The following KIF16B variants were observed in gnomAD, a reference collection of about 807,000 sequenced individuals.
KIF16B encodes the protein kinesin-like protein KIF16B.
KIF16B carries 98 observed loss-of-function variants against 156.3 expected under a neutral mutation model. The observed-to-expected ratio is 0.63, with a 90% CI of 0.53 to 0.74. The LOEUF is 0.74. Ranked by LOEUF, KIF16B falls within the 30% of genes least tolerant of loss-of-function variation. The probability of loss-of-function intolerance (pLI) is 0.00; values close to 1 mark genes in which losing one functional copy is unlikely to be tolerated. For missense variants in KIF16B, 1,421 were observed against 1,606.5 expected (o/e 0.88, Z 1.97); for synonymous variants, 564 against 583.7 (o/e 0.97, Z 0.49).
intron 12 of KIF16B, among the ~76,000 whole-genome samples, chr20:16,438,115 C>A (rs2066698431): frequency 6.6e-6 from 1 of 152,010 alleles, no homozygotes; most frequent in Non-Finnish European, 1.5e-5. Context: ...CCACTGCATT[C>A]CAGCCTGGGT....
At chr20:16,354,875 G>C (rs969907257) in intron 23 of KIF16B, among the ~76,000 whole-genome samples, 1 of 152,082 alleles carries the variant, frequency 6.6e-6, no homozygotes, top group Non-Finnish European at 1.5e-5. Flanking sequence ...GAACCCGGGA[G>C]GCGGAGGTTG....
In KIF16B at chr20:16,413,979, AT is replaced by A. The variant is rs572502696; in HGVS notation, c.1613-7524del. Among the ~76,000 whole-genome samples the A allele has an allele frequency of 1.0e-3, 158 of 152,214 alleles. 2 individuals are homozygous for A. Among genetic ancestry groups the A allele is most frequent in the Admixed American group, 9.0e-3 (138 of 15,274 alleles). On this transcript the variant is annotated intron_variant, in intron 15 of 25. Coordinates refer to ENST00000354981, the MANE Select transcript of KIF16B (RefSeq NM_024704.5). ...TGTGACATTTTCCTTCTGATTTAAA[AT>A]ATCTTAAAGATATTTATTTATATTA...
At chr20:16,339,348 C>T (rs542805457) in intron 23 of KIF16B, among the ~76,000 whole-genome samples, 10 of 152,296 alleles carry the variant, frequency 6.6e-5, no homozygotes, top group Middle Eastern at 6.8e-3. Context: ...ACACTTTTAT[C>T]TTAGTTTTCT....
At chr20:16,387,238 A>G (rs1262005412) in intron 17 of KIF16B, among the ~76,000 whole-genome samples, 1 of 152,188 alleles carries the variant, frequency 6.6e-6, no homozygotes, top group Non-Finnish European at 1.5e-5. Context: ...GGAGGAAATG[A>G]GCAGAAAGGG....
At position 16,410,028 on chromosome 20, in the gene KIF16B, TGTAG is replaced by T. The variant is rs1476627719; in HGVS notation, c.1613-3576_1613-3573del. 1.7e-4 allele frequency among the ~76,000 whole-genome samples: 17 copies of T among 102,982 alleles called. No homozygotes were observed. In the South Asian group the frequency reaches 1.7e-3, roughly 11 times the overall value. 67.6% of individuals were successfully genotyped at this position (102,982 alleles called of 152,430 possible). A position where few individuals can be genotyped will look rare whatever the true frequency, so the allele number is the denominator to read the frequency against. On this transcript the variant is annotated intron_variant, in intron 15 of 25. Transcript: ENST00000354981. Reference sequence around the variant, plus strand: ...ATATATATGTAGGTACATATATATATGTAGGTACATATATATATGTTGGTACATA... The same window carrying T: ...ATATATATGTAGGTACATATATATATGTACATATATATATGTTGGTACATA...
At chr20:16,343,110 G>T (rs2064169514) in intron 23 of KIF16B, among the ~76,000 whole-genome samples, 1 of 152,180 alleles carries the variant, frequency 6.6e-6, no homozygotes, top group Non-Finnish European at 1.5e-5. Flanking sequence ...GAGAATGCAA[G>T]ATATCATTAC....
chr20:16,514,582 G>GAAAAAAA (rs540602451), intron 4 of KIF16B, among the ~76,000 whole-genome samples: 3,049 of 75,906 alleles, frequency 0.04, no homozygotes, highest in Non-Finnish European at 0.049. Flanking sequence ...TAAGAAATAA[G>GAAAAAAA]AAAAAAAAAA....
chr20:16,541,291 T>A (rs2147231929), intron 1 of KIF16B, among the ~76,000 whole-genome samples: 1 of 152,270 alleles, frequency 6.6e-6, no homozygotes, highest in South Asian at 2.1e-4. Flanking sequence ...TTTCAGGCAA[T>A]CACCCTGACT....
intron 12 of KIF16B, among the ~76,000 whole-genome samples, chr20:16,435,362 G>C (rs2066615481): frequency 6.6e-6 from 1 of 152,186 alleles, no homozygotes; most frequent in South Asian, 2.1e-4. Flanking sequence ...TCTTTTCAAA[G>C]CTGAATGCTA....
intron 23 of KIF16B, among the ~76,000 whole-genome samples, chr20:16,351,472 G>A (rs13041027): frequency 0.061 from 9,298 of 152,258 alleles, 478 homozygotes; most frequent in African/African-American, 0.13. Context: ...CATGCGAAGC[G>A]GGGTTGTAAG....
At chr20:16,313,612 G>C (rs1395339270) in intron 24 of KIF16B, among the ~76,000 whole-genome samples, 1 of 152,116 alleles carries the variant, frequency 6.6e-6, no homozygotes, top group Non-Finnish European at 1.5e-5. Flanking sequence ...AAAAGTTAAC[G>C]CAGGCCTGAC....
chr20:16,293,998 A>G (rs1232875563), intron 25 of KIF16B, among the ~76,000 whole-genome samples: 2 of 152,062 alleles, frequency 1.3e-5, no homozygotes, highest in African/African-American at 4.8e-5. Context: ...AAAGTCAAGA[A>G]GAAGGAATAT....
intron 12 of KIF16B, among the ~76,000 whole-genome samples, chr20:16,465,061 T>C (rs1247092169): frequency 6.6e-6 from 1 of 152,236 alleles, no homozygotes; most frequent in African/African-American, 2.4e-5. Context: ...GGTTCTCATC[T>C]ATTTAAATAT....
intron 24 of KIF16B, among the ~76,000 whole-genome samples, chr20:16,320,441 T>G (rs1408526533): frequency 6.6e-6 from 1 of 151,628 alleles, no homozygotes; most frequent in Non-Finnish European, 1.5e-5. Context: ...CCAGCAGGAC[T>G]TAAGAAAGAG....
intron 12 of KIF16B, among the ~76,000 whole-genome samples, chr20:16,464,714 T>C (rs1029626222): frequency 6.6e-6 from 1 of 152,168 alleles, no homozygotes; most frequent in Admixed American, 6.6e-5. Context: ...AGTTCCAGAC[T>C]CAGTCATTTT....
intron 3 of KIF16B, among the ~76,000 whole-genome samples, chr20:16,524,419 A>T (rs554243846): frequency 3.9e-5 from 6 of 152,108 alleles, no homozygotes; most frequent in Non-Finnish European, 8.8e-5. Context: ...CAAACATACG[A>T]AAAAAAAGCT....
chr20:16,499,443 C>T (rs2068552731), intron 10 of KIF16B, among the ~76,000 whole-genome samples: 1 of 152,170 alleles, frequency 6.6e-6, no homozygotes, highest in African/African-American at 2.4e-5. Context: ...AGAAAGTTAA[C>T]CCAAGGTCAA....
chr20:16,312,337 C>CT lies in KIF16B; in HGVS notation c.3792dup (p.Glu1265ArgfsTer35), dbSNP rs755168456. ...GAAAAACAGCTTAATTCTGTTACCT[C>CT]TAAGTGACTTCGTCTCTCAGCAATC... On this transcript the variant is annotated frameshift_variant, in exon 25 of 26. Coordinates refer to ENST00000354981, the MANE Select transcript of KIF16B (RefSeq NM_024704.5). LOFTEE classifies it high-confidence loss of function. 6.2e-7 allele frequency: 1 copy of CT among 1,611,344 alleles called. No individual in the cohort carries two copies. The highest frequency in any genetic ancestry group is 1.3e-5 in the African/African-American group (1 of 74,888).
chr20:16,514,149 C>T (rs2069055602), intron 4 of KIF16B, among the ~76,000 whole-genome samples: 2 of 151,546 alleles, frequency 1.3e-5, no homozygotes, highest in East Asian at 1.9e-4. Flanking sequence ...GTTTGACTTA[C>T]ATAAAATAGT....
Sources: gnomAD v4.1 joint callset for allele counts (sites outside exome capture counted in the v4.1 genomes callset) on GRCh38, gnomAD v4.1.1 for gene constraint, MANE v1.5 for transcripts, NCBI Gene and HGNC (gene_info 2026-07-23, HGNC 2026-07-21) for gene names.